PRKG1: variants seen among roughly 807,000 people sequenced by gnomAD.
PRKG1 encodes the protein protein kinase cGMP-dependent 1.
A neutral mutation model predicts 88.1 loss-of-function variants in PRKG1; 35 were observed. The ratio of observed to expected loss-of-function variants is 0.40; its 90% CI spans 0.30 to 0.53. The LOEUF is 0.53. Among genes scored for constraint, PRKG1 ranks in the 20% least tolerant of loss-of-function variants. PRKG1 has a pLI of 0.59. For missense variants in PRKG1, 540 were observed against 839.8 expected (o/e 0.64, Z 4.41); for synonymous variants, 303 against 292.5 (o/e 1.04, Z -0.37).
chr10:51,839,865 T>C (rs894402002), intron 4 of PRKG1, among the ~76,000 whole-genome samples: 2 of 152,332 alleles, frequency 1.3e-5, no homozygotes, highest in East Asian at 3.9e-4. Context: ...TTGAATACAA[T>C]TCATTTCTAC....
At chr10:51,825,324 A>G (rs1412847654) in intron 4 of PRKG1, among the ~76,000 whole-genome samples, 1 of 152,156 alleles carries the variant, frequency 6.6e-6, no homozygotes, top group Non-Finnish European at 1.5e-5. Context: ...AGATTCTACC[A>G]AGCTCTTTCC....
chr10:51,422,138 T>C (rs1838434006), intron 2 of PRKG1, among the ~76,000 whole-genome samples: 1 of 152,160 alleles, frequency 6.6e-6, no homozygotes, highest in Non-Finnish European at 1.5e-5. Flanking sequence ...AAAGTTGTCA[T>C]GAAGGAAAGT....
At chr10:51,602,730 ATATGTGTGTGTGTGTGTGTGTGTG>A (rs935353211) in intron 3 of PRKG1, among the ~76,000 whole-genome samples, 1 of 41,812 alleles carries the variant, frequency 2.4e-5, no homozygotes, top group African/African-American at 1.1e-4. Flanking sequence ...TGATTAATAT[ATATGTGTGTGTGTGTGTGTGTGTG>A]TGTGTGTGTG....
At chr10:51,084,697 T>A (rs1416260813) in intron 1 of PRKG1, among the ~76,000 whole-genome samples, 1 of 152,224 alleles carries the variant, frequency 6.6e-6, no homozygotes, top group Non-Finnish European at 1.5e-5. Context: ...GTTATTGACC[T>A]TCTAATATTT....
At chr10:51,175,268 T>A (rs1357534470) in intron 2 of PRKG1, among the ~76,000 whole-genome samples, 1 of 151,928 alleles carries the variant, frequency 6.6e-6, no homozygotes, top group Admixed American at 6.6e-5. Flanking sequence ...TAAATTCAAA[T>A]GTTCTTTAAT....
chr10:51,815,754 G>A lies in PRKG1; in HGVS notation c.698+11064G>A, dbSNP rs557894982. 3.6e-4 allele frequency among the ~76,000 whole-genome samples: 55 copies of A among 152,242 alleles called. No homozygotes were observed. The South Asian group carries it at 6.4e-3, about 18-fold the overall frequency. ...TTTATCAATATGATTTTACCAAGGC[G>A]AACTCTTAACGGACAGCTTAGAATC... On this transcript the variant is annotated intron_variant, in intron 4 of 17. Coordinates refer to ENST00000373980, the MANE Select transcript of PRKG1 (RefSeq NM_006258.4).
chr10:51,697,569 A>G, intron 3 of PRKG1: 1 of 929,306 alleles, frequency 1.1e-6, no homozygotes. Context: ...AAGAACAAAA[A>G]ATAAGATTAG....
chr10:51,128,778 A>G, intron 1 of PRKG1, among the ~76,000 whole-genome samples: 1 of 152,240 alleles, frequency 6.6e-6, no homozygotes. Flanking sequence ...TTTATTGCTT[A>G]TGTAGTAAGA....
Position 51,773,132 on chromosome 10 carries a change from C to T in PRKG1, c.593-31453C>T, listed in dbSNP as rs529443190. 8.2e-4 allele frequency among the ~76,000 whole-genome samples: 125 copies of T among 152,142 alleles called. 1 individual carries two copies. The highest frequency in any genetic ancestry group is 5.0e-3 in the South Asian group (24 of 4,822). ...AGCTTGGCATAGAAATAAACTATTG[C>T]TCAGTTTTCCTGTCCAACTGCCCAA... On this transcript the variant is annotated intron_variant, in intron 3 of 17. Transcript: ENST00000373980.
At chr10:51,706,122 A>T (rs1211337692) in intron 3 of PRKG1, among the ~76,000 whole-genome samples, 1 of 152,264 alleles carries the variant, frequency 6.6e-6, no homozygotes, top group Admixed American at 6.5e-5. Context: ...GACTATAGTT[A>T]AACTTCACCT....
intron 2 of PRKG1, among the ~76,000 whole-genome samples, chr10:51,390,089 C>T (rs1165375082): frequency 1.3e-5 from 2 of 152,176 alleles, no homozygotes; most frequent in East Asian, 3.9e-4. Context: ...GTTGAATAAG[C>T]TGAATTAAAA....
intron 2 of PRKG1, among the ~76,000 whole-genome samples, chr10:51,377,769 A>T (rs896648303): frequency 1.5e-4 from 23 of 152,352 alleles, no homozygotes; most frequent in African/African-American, 5.3e-4. Flanking sequence ...TTTCATTAGA[A>T]GAGGTATTGG....
chr10:52,094,870 C>G (rs1388764857), intron 7 of PRKG1, among the ~76,000 whole-genome samples: 1 of 152,208 alleles, frequency 6.6e-6, no homozygotes, highest in African/African-American at 2.4e-5. Flanking sequence ...GATTATCACA[C>G]TGGCAGTTAG....
At chr10:51,194,180 A>G (rs1479540951) in intron 2 of PRKG1, among the ~76,000 whole-genome samples, 2 of 151,646 alleles carry the variant, frequency 1.3e-5, no homozygotes, top group Non-Finnish European at 2.9e-5. Context: ...AATATGGTGT[A>G]TTTTGGCACA....
intron 7 of PRKG1, among the ~76,000 whole-genome samples, chr10:52,121,871 A>AT (rs34780167): frequency 6.6e-6 from 1 of 152,010 alleles, no homozygotes; most frequent in African/African-American, 2.4e-5. Flanking sequence ...AGCAGTCTCG[A>AT]TTTTTTTCCT....
At chr10:52,024,946 A>C (rs1248665005) in intron 5 of PRKG1, among the ~76,000 whole-genome samples, 1 of 152,218 alleles carries the variant, frequency 6.6e-6, no homozygotes, top group Non-Finnish European at 1.5e-5. Context: ...AATCCCACCA[A>C]CAGTGTAAAA....
intron 1 of PRKG1, among the ~76,000 whole-genome samples, chr10:51,004,061 CAG>C (rs1373551303): frequency 7.2e-5 from 11 of 152,118 alleles, no homozygotes; most frequent in African/African-American, 2.2e-4. Context: ...TAATTCCAAA[CAG>C]TGAGAGTCCT....
chr10:51,539,119 A>C (rs889650806), intron 3 of PRKG1, among the ~76,000 whole-genome samples: 1 of 152,096 alleles, frequency 6.6e-6, no homozygotes, highest in East Asian at 1.9e-4. Context: ...GAATCTGAAA[A>C]ATAATTGTGC....
At chr10:51,777,791 T>C (rs1838479194) in intron 3 of PRKG1, among the ~76,000 whole-genome samples, 1 of 152,170 alleles carries the variant, frequency 6.6e-6, no homozygotes, top group Admixed American at 6.6e-5. Flanking sequence ...ACCTCAACCC[T>C]TGATTTTTTT....
Sources: gnomAD v4.1 joint callset for allele counts (sites outside exome capture counted in the v4.1 genomes callset) on GRCh38, gnomAD v4.1.1 for gene constraint, MANE v1.5 for transcripts, NCBI Gene and HGNC (gene_info 2026-07-23, HGNC 2026-07-21) for gene names.